Variants in ACBD6 observed in about 807,000 individuals in gnomAD.
ACBD6 encodes the protein acyl-CoA binding domain containing 6.
ACBD6 carries 28 observed loss-of-function variants against 37.2 expected under a neutral mutation model. The observed-to-expected ratio is 0.75, with a 90% confidence interval of 0.56 to 1.03. ACBD6 has a LOEUF of 1.03. Among genes scored for constraint, ACBD6 ranks in the 50% least tolerant of loss-of-function variants. The probability of loss-of-function intolerance (pLI) is 0.00; values close to 1 mark genes in which losing one functional copy is unlikely to be tolerated. For missense variants in ACBD6, 340 were observed against 337.4 expected (o/e 1.01, Z -0.06); for synonymous variants, 113 against 126.8 (o/e 0.89, Z 0.73).
intron 4 of ACBD6, among the ~76,000 whole-genome samples, chr1:180,421,399 A>G (rs1455276338): frequency 2.0e-5 from 3 of 152,192 alleles, no homozygotes; most frequent in Admixed American, 2.0e-4. Context: ...CCAGTCTATC[A>G]TTGATGGGTG....
At chr1:180,355,979 T>C (rs912495295) in intron 6 of ACBD6, among the ~76,000 whole-genome samples, 1 of 151,692 alleles carries the variant, frequency 6.6e-6, no homozygotes, top group Non-Finnish European at 1.5e-5. Context: ...GCAATTCTCC[T>C]GTCTCAGCCT....
chr1:180,429,203 G>A (rs1244522217), intron 4 of ACBD6, among the ~76,000 whole-genome samples: 1 of 152,050 alleles, frequency 6.6e-6, no homozygotes, highest in African/African-American at 2.4e-5. Flanking sequence ...TTTTCATCTT[G>A]TAAAACTGAA....
At chr1:180,477,452 A>T (rs939818269) in intron 3 of ACBD6, among the ~76,000 whole-genome samples, 39 of 152,348 alleles carry the variant, frequency 2.6e-4, no homozygotes, top group African/African-American at 9.1e-4. Context: ...TTTTAATAAC[A>T]CACCATGCTT....
intron 6 of ACBD6, among the ~76,000 whole-genome samples, chr1:180,359,699 C>CA (rs1652774435): frequency 6.6e-5 from 10 of 151,918 alleles, no homozygotes; most frequent in Non-Finnish European, 1.2e-4. Context: ...CAGTGGGGTC[C>CA]TAAGCCTCTT....
intron 6 of ACBD6, among the ~76,000 whole-genome samples, chr1:180,361,960 A>G (rs1225985389): frequency 6.6e-6 from 1 of 152,128 alleles, no homozygotes; most frequent in Non-Finnish European, 1.5e-5. Flanking sequence ...ACAAAATGTT[A>G]TAGAGGGAAC....
chr1:180,497,349 T>C (rs901649143), intron 1 of ACBD6, among the ~76,000 whole-genome samples: 4 of 151,748 alleles, frequency 2.6e-5, no homozygotes, highest in African/African-American at 9.7e-5. Flanking sequence ...TACAAATACC[T>C]TCCTTAAAAA....
At chr1:180,280,790 C>T (rs1418194113) in intron 9 of ACBD6, among the ~76,000 whole-genome samples, 2 of 152,090 alleles carry the variant, frequency 1.3e-5, no homozygotes, top group African/African-American at 4.8e-5. Context: ...TCTTCACTAG[C>T]CCAGTCTCTT....
chr1:180,492,464 T>TA lies in ACBD6; in HGVS notation c.288-100_288-99insT. 4 of 905,232 alleles carry TA rather than the reference T, an allele frequency of 4.4e-6. No homozygotes were observed. In the Admixed American group the frequency reaches 7.8e-5, roughly 18 times the overall value. 56.1% of individuals were successfully genotyped at this position (905,232 alleles called of 1,614,324 possible). A position where few individuals can be genotyped will look rare whatever the true frequency, so the allele number is the denominator to read the frequency against. ...AAACTGTATGCACATTTCAAGGGTC[T>TA]CTGAATATAGAGATAATAAGCTATG... On this transcript the variant is annotated intron_variant, in intron 2 of 7. Transcript: ENST00000367595.
At chr1:180,386,555 C>T (rs983219370) in intron 6 of ACBD6, among the ~76,000 whole-genome samples, 3 of 151,980 alleles carry the variant, frequency 2.0e-5, no homozygotes, top group Non-Finnish European at 4.4e-5. Flanking sequence ...ACTCTGATGA[C>T]AAAAAAAGTT....
intron 5 of ACBD6, among the ~76,000 whole-genome samples, chr1:180,399,121 ATC>A (rs1571456811): frequency 6.6e-6 from 1 of 152,212 alleles, no homozygotes; most frequent in African/African-American, 2.4e-5. Flanking sequence ...ACCTGTAAAT[ATC>A]TGTTTTCTAA....
At chr1:180,367,342 C>T (rs79473657) in intron 6 of ACBD6, among the ~76,000 whole-genome samples, 219 of 152,266 alleles carry the variant, frequency 1.4e-3, no homozygotes, top group African/African-American at 5.0e-3. Context: ...AGTATTGGTA[C>T]AGCAGTCCCC....
chr1:180,371,998 A>C (rs563606455), intron 6 of ACBD6, among the ~76,000 whole-genome samples: 1 of 152,328 alleles, frequency 6.6e-6, no homozygotes, highest in Admixed American at 6.5e-5. Context: ...GTGGTAGTTG[A>C]ACCTGAGTGG....
chr1:180,376,001 A>C (rs1187821419), intron 6 of ACBD6, among the ~76,000 whole-genome samples: 1 of 152,180 alleles, frequency 6.6e-6, no homozygotes, highest in Non-Finnish European at 1.5e-5. Context: ...AAGGCCAAAA[A>C]CCTGATAGAA....
chr1:180,443,553 A>T (rs1292023772), intron 3 of ACBD6, among the ~76,000 whole-genome samples: 7 of 152,156 alleles, frequency 4.6e-5, no homozygotes, highest in Non-Finnish European at 8.8e-5. Context: ...CCCTCCTTGC[A>T]GCCTGGAAAA....
intron 4 of ACBD6, among the ~76,000 whole-genome samples, chr1:180,416,361 T>C (rs1648096150): frequency 6.6e-6 from 1 of 152,214 alleles, no homozygotes; most frequent in Non-Finnish European, 1.5e-5. Context: ...ACTATATCCA[T>C]GCTTATTTGA....
At chr1:180,278,811 G>A (rs767609726) in intron 9 of ACBD6, 22 of 150,124 alleles carry the variant, frequency 1.5e-4, no homozygotes, top group Non-Finnish European at 2.8e-4. Flanking sequence ...ATGAAGTCTC[G>A]TTTCCTGGGG....
chr1:180,470,796 T>C (rs1355514953), intron 3 of ACBD6, among the ~76,000 whole-genome samples: 1 of 152,214 alleles, frequency 6.6e-6, no homozygotes, highest in Non-Finnish European at 1.5e-5. Flanking sequence ...AGAGGTCACT[T>C]TGTTTGTGCT....
intron 6 of ACBD6, among the ~76,000 whole-genome samples, chr1:180,378,729 G>A (rs990327833): frequency 3.9e-5 from 6 of 152,158 alleles, no homozygotes; most frequent in African/African-American, 1.4e-4. Flanking sequence ...ACTCCCTGCT[G>A]GGGTTTGAGG....
intron 3 of ACBD6, among the ~76,000 whole-genome samples, chr1:180,457,822 C>A (rs868425133): frequency 1.4e-5 from 2 of 141,734 alleles, no homozygotes; most frequent in African/African-American, 2.7e-5. Context: ...GACGGAGTTT[C>A]GCTCTTGTCG....
Sources: allele counts gnomAD v4.1 joint callset (sites outside exome capture counted in the v4.1 genomes callset), GRCh38; gene constraint gnomAD v4.1.1; transcripts MANE v1.5; gene names NCBI Gene and HGNC (gene_info 2026-07-23, HGNC 2026-07-21).